Variants in TNFSF4 observed in about 807,000 individuals in gnomAD.
TNFSF4 encodes the protein TNF superfamily member 4.
In TNFSF4, 4 loss-of-function variants were observed where a neutral mutation model predicts 7.3. The ratio of observed to expected loss-of-function variants is 0.55; its 90% CI spans 0.27 to 1.25. TNFSF4 has a LOEUF of 1.25. TNFSF4 is among the 50% of genes most tolerant of loss of function. The pLI, the probability that TNFSF4 is intolerant of heterozygous loss-of-function variation, is 0.12. For synonymous variants in TNFSF4, 76 were observed against 83.7 expected (o/e 0.91, Z 0.50); for missense variants, 181 against 208.8 (o/e 0.87, Z 0.82).
the TNFSF4 span, among the ~76,000 whole-genome samples, chr1:173,308,285 C>CTCTCTCTCTCTCTGTGTGTGTG: frequency 7.4e-6 from 1 of 135,058 alleles, no homozygotes; most frequent in African/African-American, 2.9e-5. Context: ...CTCTCTCTCT[C>CTCTCTCTCTCTCTGTGTGTGTG]TGTGTGTGTG....
At chr1:173,309,635 A>AT in the TNFSF4 span, among the ~76,000 whole-genome samples, 33 of 151,316 alleles carry the variant, frequency 2.2e-4, no homozygotes, top group East Asian at 2.7e-3. Context: ...TTAGCTTGTG[A>AT]TTTTTTTTCC....
the TNFSF4 span, among the ~76,000 whole-genome samples, chr1:173,173,827 T>C: frequency 6.6e-6 from 1 of 152,168 alleles, no homozygotes; most frequent in Non-Finnish European, 1.5e-5. Context: ...ATCCTTCCTT[T>C]CCAGGCCTCA....
At chr1:173,225,460 A>G in the TNFSF4 span, among the ~76,000 whole-genome samples, 1 of 152,194 alleles carries the variant, frequency 6.6e-6, no homozygotes, top group Non-Finnish European at 1.5e-5. Context: ...ACACGTGTGT[A>G]TGCTTGGCTT....
At chr1:173,199,655 A>C (rs1649857007) in intron 1 of TNFSF4, among the ~76,000 whole-genome samples, 1 of 152,186 alleles carries the variant, frequency 6.6e-6, no homozygotes, top group African/African-American at 2.4e-5. Context: ...ACTGTGAGAG[A>C]CTAAATTTCT....
At chr1:173,426,066 C>T in the TNFSF4 span, among the ~76,000 whole-genome samples, 1 of 152,220 alleles carries the variant, frequency 6.6e-6, no homozygotes, top group African/African-American at 2.4e-5. Flanking sequence ...ATCCAACATG[C>T]TGTATCAATA....
chr1:173,414,194 G>C, the TNFSF4 span, among the ~76,000 whole-genome samples: 1 of 152,166 alleles, frequency 6.6e-6, no homozygotes, highest in Non-Finnish European at 1.5e-5. Flanking sequence ...CTGGAAGTAA[G>C]AAGTCTAAGG....
At chr1:173,344,253 G>A in the TNFSF4 span, among the ~76,000 whole-genome samples, 11 of 152,336 alleles carry the variant, frequency 7.2e-5, no homozygotes, top group East Asian at 2.1e-3. Context: ...CTATTGTACA[G>A]CAGTAAATAG....
At chr1:173,394,675 G>A in the TNFSF4 span, among the ~76,000 whole-genome samples, 3 of 152,098 alleles carry the variant, frequency 2.0e-5, no homozygotes, top group South Asian at 2.1e-4. Context: ...TAGAACATCC[G>A]TTTTCTCCTG....
At chr1:173,189,547 T>C (rs1482359040) in intron 1 of TNFSF4, among the ~76,000 whole-genome samples, 1 of 152,102 alleles carries the variant, frequency 6.6e-6, no homozygotes, top group Non-Finnish European at 1.5e-5. Context: ...AGTAAAACAG[T>C]GAAGACAGGA....
chr1:173,239,175 C>T, the TNFSF4 span, among the ~76,000 whole-genome samples: 6 of 152,338 alleles, frequency 3.9e-5, no homozygotes, highest in African/African-American at 1.4e-4. Flanking sequence ...GTATTCAACA[C>T]GTCCAATTCA....
chr1:173,320,432 C>T, the TNFSF4 span, among the ~76,000 whole-genome samples: 1 of 152,142 alleles, frequency 6.6e-6, no homozygotes, highest in Non-Finnish European at 1.5e-5. Context: ...CAAGGATGCC[C>T]TCTCTCACCA....
the TNFSF4 span, among the ~76,000 whole-genome samples, chr1:173,427,955 T>A: frequency 1.6e-3 from 10 of 6,440 alleles, no homozygotes; most frequent in African/African-American, 4.9e-3. Flanking sequence ...ATTATAATCT[T>A]TTTTTTTTTT....
At chr1:173,293,127 A>C in the TNFSF4 span, among the ~76,000 whole-genome samples, 2 of 152,174 alleles carry the variant, frequency 1.3e-5, no homozygotes, top group East Asian at 3.9e-4. Flanking sequence ...TTTTCACAGA[A>C]TATGGAGTGA....
At chr1:173,340,554 C>T in the TNFSF4 span, among the ~76,000 whole-genome samples, 2 of 152,080 alleles carry the variant, frequency 1.3e-5, no homozygotes, top group Non-Finnish European at 2.9e-5. Flanking sequence ...CCTATATCCC[C>T]AACCAGTTCC....
the TNFSF4 span, among the ~76,000 whole-genome samples, chr1:173,447,179 A>G: frequency 6.6e-6 from 1 of 152,232 alleles, no homozygotes; most frequent in East Asian, 1.9e-4. Flanking sequence ...ATATTCTGGA[A>G]AAGGCAAAAG....
chr1:173,256,469 C>A, the TNFSF4 span, among the ~76,000 whole-genome samples: 1 of 152,052 alleles, frequency 6.6e-6, no homozygotes. Context: ...TCACCTAAGC[C>A]TAATTACCCC....
chr1:173,203,583 C>A lies in TNFSF4; in HGVS notation c.153+3441G>T, dbSNP rs1281930412. 2.0e-5 allele frequency among the ~76,000 whole-genome samples: 3 copies of A among 152,068 alleles called. No individual in the cohort carries two copies. In the East Asian group the frequency reaches 5.8e-4, roughly 29 times the overall value. ...ATACAAAGAAAGGTCCAAGTTGTAG[C>A]CCGAAACTTCATTAAGAAACTGTGA... On this transcript the variant is annotated intron_variant, in intron 1 of 2. Transcript: ENST00000281834.
chr1:173,225,564 C>T, the TNFSF4 span, among the ~76,000 whole-genome samples: 1 of 152,226 alleles, frequency 6.6e-6, no homozygotes, highest in African/African-American at 2.4e-5. Context: ...TTGACCAACA[C>T]TATTTTCAGT....
chr1:173,393,744 C>T, the TNFSF4 span, among the ~76,000 whole-genome samples: 1 of 152,214 alleles, frequency 6.6e-6, no homozygotes, highest in South Asian at 2.1e-4. Context: ...TCTGTATATC[C>T]TTCCTGTAGT....
Sources: allele counts gnomAD v4.1 joint callset (sites outside exome capture counted in the v4.1 genomes callset), GRCh38; gene constraint gnomAD v4.1.1; transcripts MANE v1.5; gene names NCBI Gene and HGNC (gene_info 2026-07-23, HGNC 2026-07-21).